The following ZDHHC15 variants were observed in gnomAD, a reference collection of about 807,000 sequenced individuals.
ZDHHC15 encodes the protein palmitoyltransferase ZDHHC15.
In ZDHHC15, 19 loss-of-function variants were observed where a neutral mutation model predicts 31.7. The observed-to-expected ratio is 0.60, with a 90% CI of 0.42 to 0.88. The LOEUF (loss-of-function observed/expected upper bound fraction) is 0.88. Ranked by LOEUF, ZDHHC15 falls within the 40% of genes least tolerant of loss-of-function variation. The pLI is 0.00. For missense variants in ZDHHC15, 209 were observed against 251.2 expected, an observed-to-expected ratio of 0.83 and a Z score of 1.14; for synonymous variants, 103 against 90.0, an observed-to-expected ratio of 1.14 and a Z score of -0.82.
intron 10 of ZDHHC15, among the ~76,000 whole-genome samples, chrX:75,413,720 C>T (rs1412537915): frequency 9.3e-6 from 1 of 107,791 alleles, no homozygotes. Context: ...AAAAAAAACA[C>T]AGAACATTCA....
intron 3 of ZDHHC15, among the ~76,000 whole-genome samples, chrX:75,474,090 G>A (rs1483895596): frequency 2.7e-5 from 3 of 111,025 alleles, no homozygotes; most frequent in African/African-American, 9.8e-5. Flanking sequence ...TTGGATTGAA[G>A]GATGCAAAGG....
At chrX:75,430,130 C>G (rs766019316) in intron 5 of ZDHHC15, 150 bp from the exon 6 acceptor site, 2 of 555,836 alleles carry the variant, frequency 3.6e-6, no homozygotes, top group East Asian at 7.9e-5. Context: ...AAAACTGTGG[C>G]CCTCAGTTAT....
chrX:75,395,431 T>C (rs2083289005), intron 10 of ZDHHC15, among the ~76,000 whole-genome samples: 1 of 111,039 alleles, frequency 9.0e-6, no homozygotes, highest in African/African-American at 3.3e-5. Flanking sequence ...TAAAATGAAA[T>C]CAAGAAAGTA....
chrX:75,434,819 G>A (rs930351834), intron 4 of ZDHHC15, among the ~76,000 whole-genome samples: 6 of 111,757 alleles, frequency 5.4e-5, no homozygotes, highest in Non-Finnish European at 1.1e-4. Context: ...TGCCTAATGC[G>A]GGCTTTTATA....
At chrX:75,469,613 C>G (rs1383059832) in intron 3 of ZDHHC15, among the ~76,000 whole-genome samples, 2 of 111,893 alleles carry the variant, frequency 1.8e-5, no homozygotes, top group Non-Finnish European at 3.8e-5. Context: ...TATGTATATA[C>G]TTGATTTTAC....
Position 75,429,215 on chromosome X carries a change from A to C in ZDHHC15, c.483-17T>G. On this transcript the variant is annotated splice_polypyrimidine_tract_variant and intron_variant, in intron 6 of 11. Coordinates refer to ENST00000373367, the MANE Select transcript of ZDHHC15 (RefSeq NM_144969.3). ...TTATTAACCCTAAAAAAAAAGAAAA[A>C]CTAATTTGACATCAGGACCTCTTGA... 1.7e-6 allele frequency: 2 copies of C among 1,193,541 alleles called. No individual in the cohort carries two copies. The highest frequency in any genetic ancestry group is 3.6e-5 in the African/African-American group (2 of 56,309).
intron 3 of ZDHHC15, among the ~76,000 whole-genome samples, chrX:75,454,670 C>G (rs761148000): frequency 1.8e-5 from 2 of 111,395 alleles, no homozygotes; most frequent in Admixed American, 1.9e-4. Context: ...TGATTTGGGA[C>G]AAGTTAACGG....
At position 75,473,159 on chromosome X, in the gene ZDHHC15, T is replaced by C. The variant is rs111625352; in HGVS notation, c.258+5732A>G. ...GCTCATGCTCATGGAATTCCCATGTTCCCTATCATCCCGAAGCAGCTGGAT... is the reference window on the plus strand; with the variant it reads ...GCTCATGCTCATGGAATTCCCATGTCCCCTATCATCCCGAAGCAGCTGGAT... On this transcript the variant is annotated intron_variant, in intron 3 of 11. Transcript: ENST00000373367. Among the ~76,000 whole-genome samples the C allele has an allele frequency of 3.6e-3, 400 of 111,850 alleles. 1 individual carries two copies. The highest frequency in any genetic ancestry group is 0.012 in the African/African-American group (381 of 30,829).
At chrX:75,517,439 G>A (rs1246925739) in intron 1 of ZDHHC15, among the ~76,000 whole-genome samples, 1 of 109,304 alleles carries the variant, frequency 9.1e-6, no homozygotes, top group Non-Finnish European at 1.9e-5. Context: ...CCTTTGTAGG[G>A]ACATGGATGA....
chrX:75,498,394 TAA>T (rs2085040496), intron 2 of ZDHHC15, among the ~76,000 whole-genome samples: 1 of 111,577 alleles, frequency 9.0e-6, no homozygotes, highest in Non-Finnish European at 1.9e-5. Flanking sequence ...TAGAAAACCC[TAA>T]AGACTCATCC....
intron 8 of ZDHHC15, among the ~76,000 whole-genome samples, chrX:75,422,275 G>A (rs768992232): frequency 8.1e-5 from 9 of 111,550 alleles, no homozygotes; most frequent in Non-Finnish European, 1.7e-4. Flanking sequence ...AAGCAGCCAC[G>A]GGGGTAGTAT....
chrX:75,453,616 G>C (rs2084163376), intron 3 of ZDHHC15, among the ~76,000 whole-genome samples: 1 of 111,560 alleles, frequency 9.0e-6, no homozygotes, highest in Non-Finnish European at 1.9e-5. Context: ...TATCCCAGAT[G>C]AATATCGATG....
intron 3 of ZDHHC15, among the ~76,000 whole-genome samples, chrX:75,473,883 T>C (rs1186193199): frequency 6.2e-5 from 7 of 112,370 alleles, no homozygotes; most frequent in Non-Finnish European, 1.3e-4. Flanking sequence ...CATTTAAGTA[T>C]TGTTAACTTT....
chrX:75,496,748 T>A (rs759821975), intron 2 of ZDHHC15, among the ~76,000 whole-genome samples: 7 of 111,880 alleles, frequency 6.3e-5, no homozygotes, highest in Non-Finnish European at 5.6e-5. Flanking sequence ...AATCTGCTCC[T>A]GGATCAACAG....
chrX:75,394,521 T>C (rs908085846), intron 10 of ZDHHC15, among the ~76,000 whole-genome samples: 1 of 108,298 alleles, frequency 9.2e-6, no homozygotes, highest in Non-Finnish European at 1.9e-5. Flanking sequence ...AATAAAGGAA[T>C]GGAAAAAGAT....
At chrX:75,485,640 T>C (rs1173736944) in intron 2 of ZDHHC15, among the ~76,000 whole-genome samples, 1 of 111,137 alleles carries the variant, frequency 9.0e-6, no homozygotes, top group African/African-American at 3.3e-5. Flanking sequence ...TATTGAAGCA[T>C]AGGAAAGGCA....
intron 2 of ZDHHC15, among the ~76,000 whole-genome samples, chrX:75,498,351 T>C (rs1199453043): frequency 1.8e-5 from 2 of 111,414 alleles, no homozygotes; most frequent in African/African-American, 6.5e-5. Flanking sequence ...AAATTCAAAC[T>C]GTTGCTGTTT....
chrX:75,482,107 T>C (rs1011093146), intron 2 of ZDHHC15, among the ~76,000 whole-genome samples: 1 of 110,423 alleles, frequency 9.1e-6, no homozygotes, highest in Non-Finnish European at 1.9e-5. Flanking sequence ...TGTTTCCCAA[T>C]AGATGATGGA....
intron 10 of ZDHHC15, among the ~76,000 whole-genome samples, chrX:75,402,134 ATGAC>A (rs2083365161): frequency 8.9e-6 from 1 of 112,469 alleles, no homozygotes; most frequent in African/African-American, 3.2e-5. Flanking sequence ...ATGCTCCTGA[ATGAC>A]TTTTAGGTAA....
Sources: gnomAD v4.1 joint callset for allele counts (sites outside exome capture counted in the v4.1 genomes callset) on GRCh38, gnomAD v4.1.1 for gene constraint, MANE v1.5 for transcripts, NCBI Gene and HGNC (gene_info 2026-07-23, HGNC 2026-07-21) for gene names.